Variants in SUSD5 observed in about 807,000 individuals in gnomAD.
SUSD5 encodes the protein sushi domain containing 5, also known as sushi domain-containing protein 5.
A neutral mutation model predicts 29.5 loss-of-function variants in SUSD5; 33 were observed. The ratio of observed to expected loss-of-function variants is 1.12; its 90% CI spans 0.85 to 1.49. SUSD5 has a LOEUF of 1.49. Ranked by LOEUF, SUSD5 falls within the 40% of genes most tolerant of loss-of-function variation. SUSD5 has a pLI of 0.00. For synonymous variants in SUSD5, 308 were observed against 325.3 expected (o/e 0.95, Z 0.57); for missense variants, 776 against 800.6 (o/e 0.97, Z 0.37).
chr3:33,159,985 A>C (rs918393964), intron 4 of SUSD5, among the ~76,000 whole-genome samples: 11 of 152,210 alleles, frequency 7.2e-5, no homozygotes, highest in African/African-American at 2.7e-4. Context: ...AGAGAGACGC[A>C]AAGTGGATGG....
chr3:33,176,215 G>T (rs1433895967), intron 3 of SUSD5, among the ~76,000 whole-genome samples: 2 of 152,126 alleles, frequency 1.3e-5, no homozygotes, highest in Admixed American at 1.3e-4. Flanking sequence ...CCATTGTCTG[G>T]ATGTATCACA....
chr3:33,204,627 ATTTTGTTTTGTTTTGTTTTGTTTTG>A lies in SUSD5; in HGVS notation c.409+3156_409+3180del, dbSNP rs72112093. 4.7e-3 allele frequency among the ~76,000 whole-genome samples: 692 copies of A among 147,950 alleles called. 5 individuals carry two copies. Among genetic ancestry groups the A allele is most frequent in the South Asian group, 0.011 (48 of 4,540 alleles). ...TGAGCCACCACACCCGGCCTGTTTT[ATTTTGTTTTGTTTTGTTTTGTTTTG>A]TTTTGTTTTGTTTTTGAGACAGTCT... On this transcript the variant is annotated intron_variant, in intron 3 of 4. Transcript: ENST00000309558. This position sits in a 1 kb window ranked among gnomAD's most constrained non-coding sequence, Gnocchi z 4.5.
At chr3:33,172,470 A>G (rs1214119738) in intron 4 of SUSD5, among the ~76,000 whole-genome samples, 1 of 152,182 alleles carries the variant, frequency 6.6e-6, no homozygotes, top group African/African-American at 2.4e-5. Flanking sequence ...CAACTTCAGC[A>G]CCTCACTGGA....
chr3:33,165,119 T>C lies in SUSD5; in HGVS notation c.598+9767A>G, dbSNP rs148375802. On this transcript the variant is annotated intron_variant, in intron 4 of 4. Transcript: ENST00000309558. ...CAAAAGACCTGTGCAAGAATGTCCT[T>C]ATAATAGCCCCAAACATGAAACAAT... 3.1e-4 allele frequency among the ~76,000 whole-genome samples: 47 copies of C among 152,248 alleles called. 1 individual carries two copies. In the East Asian group the frequency reaches 8.9e-3, roughly 29 times the overall value.
Position 33,150,925 on chromosome 3 carries a change from C to G in SUSD5, c.*1817G>C, listed in dbSNP as rs1355129418. 1 of 152,198 alleles carries G rather than the reference C, an allele frequency of 6.6e-6. No homozygotes were observed. The highest frequency in any genetic ancestry group is 1.5e-5 in the Non-Finnish European group (1 of 68,034). The allele number at this position is 152,198 out of a possible 1,614,324, so 9.4% of individuals were successfully genotyped here. A position where few individuals can be genotyped will look rare whatever the true frequency, so the allele number is the denominator to read the frequency against. On this transcript the variant is annotated 3_prime_UTR_variant, in exon 5 of 5. Transcript: ENST00000309558. Reference sequence around the variant, plus strand: ...ATTCATCACTTTTTACCACTGATAACTATTTCTAAGAAGGTGATTCATATT... The same window carrying G: ...ATTCATCACTTTTTACCACTGATAAGTATTTCTAAGAAGGTGATTCATATT...
intron 4 of SUSD5, among the ~76,000 whole-genome samples, chr3:33,165,971 A>G (rs888895803): frequency 1.3e-5 from 2 of 149,124 alleles, no homozygotes; most frequent in African/African-American, 4.9e-5. Flanking sequence ...AGTGAGACCC[A>G]CTGCACCGCA....
At chr3:33,209,296 G>A (rs1037165828) in intron 2 of SUSD5, among the ~76,000 whole-genome samples, 1 of 152,112 alleles carries the variant, frequency 6.6e-6, no homozygotes, top group African/African-American at 2.4e-5. Context: ...CTTGAGCTTT[G>A]CAGGGATTCT....
At position 33,189,954 on chromosome 3, in the gene SUSD5, C is replaced by T. The variant is rs190230216; in HGVS notation, c.410-14880G>A. Among the ~76,000 whole-genome samples the T allele has an allele frequency of 1.3e-3, 205 of 152,132 alleles. 1 individual carries two copies. The highest frequency in any genetic ancestry group is 2.8e-3 in the Admixed American group (42 of 15,262). ...TTTAAGATGACATTCACCATCTTTG[C>T]GAAAAGTTGACCCTACTAGTGAAGT... On this transcript the variant is annotated intron_variant, in intron 3 of 4. Coordinates refer to ENST00000309558, the MANE Select transcript of SUSD5 (RefSeq NM_015551.2).
chr3:33,169,950 C>A (rs2125618835), intron 4 of SUSD5, among the ~76,000 whole-genome samples: 1 of 152,012 alleles, frequency 6.6e-6, no homozygotes, highest in East Asian at 1.9e-4. Flanking sequence ...CAGAGTCTCG[C>A]TCTATCACCC....
chr3:33,163,047 T>G (rs7635223), intron 4 of SUSD5, among the ~76,000 whole-genome samples: 3 of 152,014 alleles, frequency 2.0e-5, no homozygotes, highest in Non-Finnish European at 2.9e-5. Flanking sequence ...TTAACAAAAC[T>G]GAATCTCTCC....
chr3:33,186,306 GA>G (rs919212495), intron 3 of SUSD5, among the ~76,000 whole-genome samples: 40 of 137,272 alleles, frequency 2.9e-4, no homozygotes, highest in East Asian at 8.4e-4. Flanking sequence ...TGTCTCAAAA[GA>G]AAAAAAAAAG....
chr3:33,171,324 C>T (rs916227908), intron 4 of SUSD5, among the ~76,000 whole-genome samples: 9 of 150,764 alleles, frequency 6.0e-5, no homozygotes, highest in African/African-American at 1.7e-4. Flanking sequence ...TCCAGCCTGG[C>T]GACAGAGCGA....
Position 33,152,703 on chromosome 3 carries a change from C to A in SUSD5, c.*39G>T. On this transcript the variant is annotated 3_prime_UTR_variant, in exon 5 of 5. Transcript: ENST00000309558. ...TCGTGTGATGTGTCACAGTTATTTT[C>A]CTCCCAAGTGGCTTTGGGAGAACCC... 1 of 1,542,994 alleles carries A rather than the reference C, an allele frequency of 6.5e-7. No individual in the cohort carries two copies. Among genetic ancestry groups the A allele is most frequent in the South Asian group, 1.3e-5 (1 of 79,682 alleles).
chr3:33,168,476 C>T (rs1374350535), intron 4 of SUSD5: 1 of 973,272 alleles, frequency 1.0e-6, no homozygotes, highest in African/African-American at 1.8e-5. Flanking sequence ...TTTAAGAAAA[C>T]AAAATAATAC....
chr3:33,205,062 G>C (rs1208459286), intron 3 of SUSD5, among the ~76,000 whole-genome samples: 1 of 151,376 alleles, frequency 6.6e-6, no homozygotes. Flanking sequence ...ATTCTTTTTT[G>C]AACCATTGGA....
chr3:33,180,149 A>G (rs911771846), intron 3 of SUSD5, among the ~76,000 whole-genome samples: 1 of 152,198 alleles, frequency 6.6e-6, no homozygotes, highest in South Asian at 2.1e-4. Flanking sequence ...AGTTAACTAA[A>G]GCAGCCTCAG....
chr3:33,218,807 G>C lies in SUSD5; in HGVS notation c.-10C>G. ...GTCCCTCGGCAGTCATGGTCCGGGA[G>C]TGCGCGGGCCAGCGGACTCGGGTGA... On this transcript the variant is annotated 5_prime_UTR_variant, in exon 1 of 5. Transcript: ENST00000309558. The C allele has an allele frequency of 1.4e-6, 2 of 1,442,010 alleles. No homozygotes were observed. Among genetic ancestry groups the C allele is most frequent in the South Asian group, 1.4e-5 (1 of 71,190 alleles). The allele number at this position is 1,442,010 out of a possible 1,614,324, so 89.3% of individuals were successfully genotyped here.
chr3:33,201,381 T>C (rs1057510596), intron 3 of SUSD5, among the ~76,000 whole-genome samples: 2 of 152,236 alleles, frequency 1.3e-5, no homozygotes, highest in Non-Finnish European at 2.9e-5. Context: ...GCCGCAGCTC[T>C]TCTGAGTAGC....
At position 33,165,206 on chromosome 3, in the gene SUSD5, A is replaced by G. The variant is rs117980610; in HGVS notation, c.598+9680T>C. ...AGCAAAGAAAAAGAGTGAACAGCTCACAGAGCAACATGTATGTGTCTCACA... is the reference window on the plus strand; with the variant it reads ...AGCAAAGAAAAAGAGTGAACAGCTCGCAGAGCAACATGTATGTGTCTCACA... On this transcript the variant is annotated intron_variant, in intron 4 of 4. Transcript: ENST00000309558. Among the ~76,000 whole-genome samples, 169 of 152,366 alleles carry G rather than the reference A, an allele frequency of 1.1e-3. 2 individuals carry two copies. In the East Asian group the frequency reaches 0.023, roughly 21 times the overall value.
Sources: gnomAD v4.1 joint callset for allele counts (sites outside exome capture counted in the v4.1 genomes callset) on GRCh38, gnomAD v4.1.1 for gene constraint, Gnocchi (gnomAD v3.1) non-coding constraint, MANE v1.5 for transcripts, NCBI Gene and HGNC (gene_info 2026-07-23, HGNC 2026-07-21) for gene names.